Variants in AFAP1L2 observed in about 807,000 individuals in gnomAD.
AFAP1L2 encodes the protein actin filament-associated protein 1-like 2.
Under a neutral mutation model 99.3 loss-of-function variants are expected in AFAP1L2, and 46 were observed. The ratio of observed to expected loss-of-function variants is 0.46; its 90% CI spans 0.37 to 0.59. The LOEUF is 0.59. Among genes scored for constraint, AFAP1L2 ranks in the 20% least tolerant of loss-of-function variants. The pLI is 0.00. For synonymous variants in AFAP1L2, 397 were observed against 419.1 expected (o/e 0.95, Z 0.64); for missense variants, 959 against 1,034.9 (o/e 0.93, Z 1.01).
the AFAP1L2 span, chr10:114,289,202 C>G: frequency 6.2e-7 from 1 of 1,613,636 alleles, no homozygotes; most frequent in Non-Finnish European, 8.5e-7. Flanking sequence ...TCAGCCGGCA[C>G]CGCCCTGCTG....
chr10:114,369,966 G>A (rs138438165), intron 1 of AFAP1L2, among the ~76,000 whole-genome samples: 1 of 152,136 alleles, frequency 6.6e-6, no homozygotes, highest in Non-Finnish European at 1.5e-5. Flanking sequence ...CGGGAAGAGA[G>A]TCTTTCCTGG....
intron 1 of AFAP1L2, among the ~76,000 whole-genome samples, chr10:114,353,793 A>G (rs1043187251): frequency 6.6e-6 from 1 of 152,238 alleles, no homozygotes; most frequent in Non-Finnish European, 1.5e-5. Context: ...GGTGGGGGAC[A>G]GAGGATAAGT....
At chr10:114,280,780 C>G in the AFAP1L2 span, 1 of 152,120 alleles carries the variant, frequency 6.6e-6, no homozygotes, top group Non-Finnish European at 1.5e-5. Flanking sequence ...TGCTCTGTCA[C>G]CAGGATGGAG....
intron 1 of AFAP1L2, among the ~76,000 whole-genome samples, chr10:114,399,178 T>C (rs189625992): frequency 1.3e-5 from 2 of 152,346 alleles, no homozygotes; most frequent in East Asian, 3.9e-4. Flanking sequence ...AAAGTCCCTG[T>C]CTTGAAGGAG....
intron 1 of AFAP1L2, among the ~76,000 whole-genome samples, chr10:114,352,479 T>TAAAAAAAA (rs766929781): frequency 0.078 from 5,523 of 71,100 alleles, 500 homozygotes; most frequent in African/African-American, 0.096. Context: ...GTCTCCAAAT[T>TAAAAAAAA]AAAAAAAAAA....
intron 4 of AFAP1L2, 85 bp downstream of exon 4, chr10:114,331,718 A>T: frequency 1.0e-6 from 1 of 988,486 alleles, no homozygotes; most frequent in Non-Finnish European, 1.4e-6. Flanking sequence ...AATGCCAGAC[A>T]CTTAGTGAGC....
chr10:114,362,866 A>C, intron 1 of AFAP1L2: 1 of 860,112 alleles, frequency 1.2e-6, no homozygotes, highest in South Asian at 5.4e-5. Flanking sequence ...TCAGTCAGAC[A>C]AAAACTTCTG....
chr10:114,352,181 G>A (rs930078215), intron 1 of AFAP1L2, among the ~76,000 whole-genome samples: 3 of 152,148 alleles, frequency 2.0e-5, no homozygotes, highest in Non-Finnish European at 4.4e-5. Context: ...CTTCAAAAAA[G>A]CAGCTGTAGG....
downstream of AFAP1L2, among the ~76,000 whole-genome samples, chr10:114,292,943 G>C (rs975943721): frequency 6.6e-6 from 1 of 152,150 alleles, no homozygotes; most frequent in African/African-American, 2.4e-5. Flanking sequence ...CTGACCTCAG[G>C]TGATCCCCCT....
At chr10:114,361,067 G>A (rs1328959276) in intron 1 of AFAP1L2, among the ~76,000 whole-genome samples, 1 of 152,100 alleles carries the variant, frequency 6.6e-6, no homozygotes, top group East Asian at 1.9e-4. Flanking sequence ...CATATCGGCA[G>A]ACAGGAGAAG....
At chr10:114,335,122 A>C (rs2047740265) in intron 2 of AFAP1L2, among the ~76,000 whole-genome samples, 1 of 152,188 alleles carries the variant, frequency 6.6e-6, no homozygotes, top group African/African-American at 2.4e-5. Context: ...TAAAAACTAA[A>C]TGGGTTACTG....
intron 5 of AFAP1L2, among the ~76,000 whole-genome samples, chr10:114,320,128 T>C (rs1298578515): frequency 6.6e-6 from 1 of 152,008 alleles, no homozygotes; most frequent in East Asian, 1.9e-4. Context: ...AGCTGCTGGG[T>C]TATTTGTTAC....
chr10:114,375,721 T>C (rs2054707679), intron 1 of AFAP1L2, among the ~76,000 whole-genome samples: 1 of 152,058 alleles, frequency 6.6e-6, no homozygotes, highest in South Asian at 2.1e-4. Context: ...CACCTGTAAT[T>C]CCAACATTTT....
chr10:114,337,266 G>A (rs990646503), intron 2 of AFAP1L2, among the ~76,000 whole-genome samples: 1 of 152,134 alleles, frequency 6.6e-6, no homozygotes, highest in Non-Finnish European at 1.5e-5. Flanking sequence ...TCAGAGGCTT[G>A]GTTTCCTTGT....
chr10:114,289,628 A>AC, the AFAP1L2 span: 1 of 929,120 alleles, frequency 1.1e-6, no homozygotes, highest in Admixed American at 2.2e-5. Flanking sequence ...TCTGTGCTAA[A>AC]CCCCATGCTC....
intron 1 of AFAP1L2, among the ~76,000 whole-genome samples, chr10:114,385,256 G>A (rs908730531): frequency 6.6e-6 from 1 of 152,162 alleles, no homozygotes. Flanking sequence ...TTTTAGGAGA[G>A]GCTATTTCAT....
At chr10:114,394,732 TGTGTGTGGTTTTG>T (rs1270197303) in intron 1 of AFAP1L2, among the ~76,000 whole-genome samples, 1 of 152,148 alleles carries the variant, frequency 6.6e-6, no homozygotes, top group Non-Finnish European at 1.5e-5. Flanking sequence ...CTCACACTTG[TGTGTGTGGTTTTG>T]AGATCCACCC....
downstream of AFAP1L2, among the ~76,000 whole-genome samples, chr10:114,293,263 T>TA (rs145968793): frequency 6.6e-6 from 1 of 152,382 alleles, no homozygotes; most frequent in African/African-American, 2.4e-5. Flanking sequence ...ACATGCTCCC[T>TA]AGCAGATGCT....
intron 1 of AFAP1L2, among the ~76,000 whole-genome samples, chr10:114,346,036 G>A (rs978262049): frequency 2.0e-5 from 3 of 152,214 alleles, no homozygotes; most frequent in African/African-American, 7.2e-5. Context: ...AGATGTGTGG[G>A]GAAGAGCAGC....
Sources: allele counts gnomAD v4.1 joint callset (sites outside exome capture counted in the v4.1 genomes callset), GRCh38; gene constraint gnomAD v4.1.1; transcripts MANE v1.5; gene names NCBI Gene and HGNC (gene_info 2026-07-23, HGNC 2026-07-21).